Variants in ADAMTS10 observed in about 807,000 individuals in gnomAD.
ADAMTS10 encodes the protein A disintegrin and metalloproteinase with thrombospondin motifs 10.
Under a neutral mutation model 135.9 loss-of-function variants are expected in ADAMTS10, and 48 were observed. The ratio of observed to expected loss-of-function variants is 0.35; its 90% CI spans 0.28 to 0.45. ADAMTS10 has a LOEUF of 0.45. ADAMTS10 is among the 20% of genes least tolerant of loss of function. The pLI is 1.00. For synonymous variants in ADAMTS10, 621 were observed against 647.5 expected, an observed-to-expected ratio of 0.96 and a Z score of 0.62; for missense variants, 1,131 against 1,565.2, an observed-to-expected ratio of 0.72 and a Z score of 4.68.
intron 1 of ADAMTS10, among the ~76,000 whole-genome samples, chr19:8,610,194 GACAC>G (rs374652955): frequency 6.6e-6 from 1 of 151,136 alleles, no homozygotes; most frequent in Non-Finnish European, 1.5e-5. Flanking sequence ...CCCCACACCA[GACAC>G]ACACACACAG....
At position 8,589,249 on chromosome 19, in the gene ADAMTS10, AGGTGAGGCT is replaced by A. The variant is rs2042483641; in HGVS notation, c.2142_2150del (p.Ala715_Pro717del). The A allele has an allele frequency of 6.2e-7, 1 of 1,612,606 alleles. No individual in the cohort carries two copies. The highest frequency in any genetic ancestry group is 8.5e-7 in the Non-Finnish European group (1 of 1,179,982). On this transcript the variant is annotated inframe_deletion, in exon 18 of 26. Transcript: ENST00000597188. The stretch of plus-strand genomic sequence containing the variant: ...GAAGCTGGAGACTCTCACCGGCCCC[AGGTGAGGCT>A]GGGCTGAAGACGCCCTCGATGGTCT...
At chr19:8,602,596 CA>C (rs1555741747) in intron 5 of ADAMTS10, among the ~76,000 whole-genome samples, 1 of 152,092 alleles carries the variant, frequency 6.6e-6, no homozygotes, top group Non-Finnish European at 1.5e-5. Flanking sequence ...GCTGGGATTA[CA>C]GGCGTGAGAC....
chr19:8,590,193 C>A (rs1355058176), intron 15 of ADAMTS10, among the ~76,000 whole-genome samples: 1 of 152,070 alleles, frequency 6.6e-6, no homozygotes, highest in Non-Finnish European at 1.5e-5. Context: ...GGACTGGATC[C>A]CTCATTAGAG....
In ADAMTS10 at chr19:8,597,459, T is replaced by TTTG. The variant is rs566361837; in HGVS notation, c.811-145_811-143dup. 480 of 754,440 alleles carry TTTG rather than the reference T, an allele frequency of 6.4e-4. 2 individuals carry two copies. In the East Asian group the frequency reaches 7.5e-3, roughly 12 times the overall value. 46.7% of individuals were successfully genotyped at this position (754,440 alleles called of 1,614,324 possible). ...TAGGCTAAACCTGCTATTAGGGTTTTTTGTTGCTGTTGTTGTTAAAGATGG... is the reference window on the plus strand; with the variant it reads ...TAGGCTAAACCTGCTATTAGGGTTTTTTGTTGTTGCTGTTGTTGTTAAAGATGG... On this transcript the variant is annotated intron_variant, in intron 6 of 25. Coordinates refer to ENST00000597188, the MANE Select transcript of ADAMTS10 (RefSeq NM_030957.4).
intron 6 of ADAMTS10, among the ~76,000 whole-genome samples, chr19:8,598,888 A>G (rs1289279147): frequency 6.6e-6 from 1 of 151,352 alleles, no homozygotes; most frequent in African/African-American, 2.5e-5. Context: ...AACCCCCAGG[A>G]AATTCTGAAA....
chr19:8,597,363 G>A (rs530266196), intron 6 of ADAMTS10, 46 bp from the exon 7 acceptor site: 5 of 1,565,628 alleles, frequency 3.2e-6, no homozygotes, highest in Non-Finnish European at 4.4e-6. Context: ...GAGGAGCCCA[G>A]GGTAGAAAAT....
In ADAMTS10 at chr19:8,596,924, C is replaced by G; in HGVS notation, c.1040+63G>C. 1 of 1,602,480 alleles carries G rather than the reference C, an allele frequency of 6.2e-7. No homozygotes were observed. The highest frequency in any genetic ancestry group is 1.1e-5 in the South Asian group (1 of 90,780). ...AGCAGAAGTGATCTCTGTTTGGACTCTCATGGTTCCCTGGACCATCTGTTT... is the reference window on the plus strand; with the variant it reads ...AGCAGAAGTGATCTCTGTTTGGACTGTCATGGTTCCCTGGACCATCTGTTT... On this transcript the variant is annotated intron_variant, in intron 8 of 25. Coordinates refer to ENST00000597188, the MANE Select transcript of ADAMTS10 (RefSeq NM_030957.4). The surrounding 1 kb of genome is among the most constrained non-coding windows in gnomAD (Gnocchi z 7.2).
rs1281985689 is a variant in ADAMTS10 at position 8,585,017 on chromosome 19, G to A, written c.3080C>T (p.Ser1027Leu). 2.0e-6 allele frequency: 3 copies of A among 1,536,528 alleles called. No individual in the cohort carries two copies. The highest frequency in any genetic ancestry group is 4.9e-5 in the East Asian group (2 of 40,666). ...GCCCGTGTGGCTGGTGCAGCGCACC[G>A]AGCGCTGCCGCTGCCCGACGCCGCA... ...AQCGVGQRQR[S>L]VRCTSHTGQA... Residue 1027 changes from serine to leucine, a missense_variant, in exon 25 of 26, where the codon TCG becomes TTG. Ser to Leu is a moderately radical substitution (Grantham distance 145, BLOSUM62 -2). Around this residue, in one of 3 missense-constraint regions of ADAMTS10, gnomAD observed 745 missense variants for 1,056.3 expected, o/e 0.71. Transcript: ENST00000597188.
At chr19:8,586,072 G>T in intron 22 of ADAMTS10, 50 bp downstream of exon 22, 1 of 1,611,368 alleles carries the variant, frequency 6.2e-7, no homozygotes, top group Non-Finnish European at 8.5e-7. Context: ...TTGACTCCAG[G>T]GAGTACTCTC....
chr19:8,600,895 G>A, intron 6 of ADAMTS10, 33 bp downstream of exon 6: 1 of 1,613,082 alleles, frequency 6.2e-7, no homozygotes, highest in Non-Finnish European at 8.5e-7. Flanking sequence ...CAAGTCCTCA[G>A]GGCTGCGTGC....
At chr19:8,583,711 C>G (rs1318473085) in intron 25 of ADAMTS10, among the ~76,000 whole-genome samples, 4 of 151,818 alleles carry the variant, frequency 2.6e-5, no homozygotes, top group African/African-American at 9.7e-5. Flanking sequence ...CAAAAATTAA[C>G]TGGGCACTGT....
At chr19:8,595,566 ACT>A (rs1262465697) in intron 12 of ADAMTS10, 194 bp downstream of exon 12, 4 of 813,950 alleles carry the variant, frequency 4.9e-6, no homozygotes, top group Non-Finnish European at 7.8e-6. Flanking sequence ...GTTCCCAAGC[ACT>A]GTCTGATTGC....
At chr19:8,606,714 T>C (rs1023383845) in intron 2 of ADAMTS10, among the ~76,000 whole-genome samples, 4 of 152,120 alleles carry the variant, frequency 2.6e-5, no homozygotes, top group African/African-American at 4.8e-5. Flanking sequence ...GTGGGTCACA[T>C]TGCTAGAAAG....
intron 6 of ADAMTS10, among the ~76,000 whole-genome samples, chr19:8,598,723 C>T (rs373585347): frequency 3.7e-4 from 56 of 151,810 alleles, no homozygotes; most frequent in African/African-American, 1.2e-3. Context: ...TACAGGTGCC[C>T]GCCACCACGC....
rs202158691 is a variant in ADAMTS10, at chr19:8,585,476, C to T, written c.2845G>A (p.Ala949Thr). The T allele has an allele frequency of 1.8e-4, 281 of 1,536,686 alleles. No individual in the cohort carries two copies. The African/African-American group carries it at 3.5e-3, about 19-fold the overall frequency. The change falls in exon 23 of 26, where the codon GCG (alanine) becomes ACG (threonine). Residue 949 changes from alanine (A) to threonine (T), a missense_variant. By Grantham distance (58) the Ala-to-Thr change is moderately conservative (BLOSUM62 0). Coordinates refer to ENST00000597188, the MANE Select transcript of ADAMTS10 (RefSeq NM_030957.4). Reference protein sequence around the residue: ...CHGPTCPPEWAALDWSECTPS... With the variant: ...CHGPTCPPEWTALDWSECTPS... ...CTGACCTCAGACCAGTCGAGGGCCG[C>T]CCACTCCGGAGGGCAAGTGGGGCCG...
rs531412131 is a variant in ADAMTS10, at chr19:8,597,468, G to A, written c.811-151C>T. ...CCTGCTATTAGGGTTTTTTGTTGCT[G>A]TTGTTGTTAAAGATGGGGGTCTTGG... On this transcript the variant is annotated intron_variant, in intron 6 of 25. Coordinates refer to ENST00000597188, the MANE Select transcript of ADAMTS10 (RefSeq NM_030957.4). 13 of 734,306 alleles carry A rather than the reference G, an allele frequency of 1.8e-5. No homozygotes were observed. The East Asian group carries it at 3.2e-4, about 18-fold the overall frequency. 45.5% of individuals were successfully genotyped at this position (734,306 alleles called of 1,614,324 possible). A position where few individuals can be genotyped will look rare whatever the true frequency, so the allele number is the denominator to read the frequency against.
intron 1 of ADAMTS10, among the ~76,000 whole-genome samples, chr19:8,608,895 G>A (rs1198118585): frequency 6.6e-6 from 1 of 151,568 alleles, no homozygotes; most frequent in African/African-American, 2.4e-5. Flanking sequence ...CCTGTGCACA[G>A]TGTATGGGGT....
At chr19:8,610,422 G>GACACACACACAC (rs111492620) in intron 1 of ADAMTS10, among the ~76,000 whole-genome samples, 2,859 of 145,664 alleles carry the variant, frequency 0.02, 69 homozygotes, top group African/African-American at 0.058. Context: ...TACGTGGACG[G>GACACACACACAC]ACACACACAC....
chr19:8,583,453 A>G (rs1555736191), intron 25 of ADAMTS10, among the ~76,000 whole-genome samples: 2 of 152,090 alleles, frequency 1.3e-5, no homozygotes, highest in Non-Finnish European at 2.9e-5. Flanking sequence ...AGGCAGGAGA[A>G]TCACTTGTAC....
Sources: allele counts gnomAD v4.1 joint callset (sites outside exome capture counted in the v4.1 genomes callset), GRCh38; gene constraint gnomAD v4.1.1; regional missense constraint gnomAD v4.1.1; non-coding constraint Gnocchi (gnomAD v3.1); transcripts MANE v1.5; gene names NCBI Gene and HGNC (gene_info 2026-07-23, HGNC 2026-07-21).